Variants in UTRN observed in about 807,000 individuals in gnomAD.
The protein encoded by UTRN is utrophin.
A neutral mutation model predicts 463.9 loss-of-function variants in UTRN; 283 were observed. That is an observed-to-expected ratio of 0.61 (90% CI 0.55 to 0.67). UTRN has a LOEUF of 0.67. Ranked by LOEUF, UTRN falls within the 30% of genes least tolerant of loss-of-function variation. The pLI is 0.00. For synonymous variants in UTRN, 1,442 were observed against 1,431.5 expected (o/e 1.01, Z -0.17); for missense variants, 3,922 against 4,084.3 (o/e 0.96, Z 1.08).
At chr6:144,314,935 TA>T (rs982301190) in intron 2 of UTRN, among the ~76,000 whole-genome samples, 4 of 151,198 alleles carry the variant, frequency 2.6e-5, no homozygotes, top group African/African-American at 9.9e-5. Context: ...TGTATATATA[TA>T]CCTCTCTCTA....
chr6:144,762,793 A>G (rs988577795), intron 58 of UTRN, among the ~76,000 whole-genome samples: 1 of 152,242 alleles, frequency 6.6e-6, no homozygotes, highest in African/African-American at 2.4e-5. Flanking sequence ...AAGCTGGCTT[A>G]TAAGTCCTAA....
intron 65 of UTRN, among the ~76,000 whole-genome samples, chr6:144,819,140 G>A (rs945169923): frequency 6.6e-6 from 1 of 152,170 alleles, no homozygotes; most frequent in African/African-American, 2.4e-5. Flanking sequence ...AAAGCCTGGT[G>A]ATAGCATGGG....
chr6:144,823,904 T>A (rs1191141681), intron 66 of UTRN, among the ~76,000 whole-genome samples: 1 of 152,212 alleles, frequency 6.6e-6, no homozygotes, highest in African/African-American at 2.4e-5. Context: ...AAGATTTTTT[T>A]AAGAGCCTTT....
intron 50 of UTRN, among the ~76,000 whole-genome samples, chr6:144,558,700 T>A (rs1214834838): frequency 6.6e-6 from 1 of 151,652 alleles, no homozygotes. Flanking sequence ...TTTATGGCCA[T>A]CTCCAAGACA....
At chr6:144,733,780 C>T (rs576743727) in intron 54 of UTRN, among the ~76,000 whole-genome samples, 88 of 152,268 alleles carry the variant, frequency 5.8e-4, no homozygotes, top group African/African-American at 1.9e-3. Flanking sequence ...ATTCACTTAA[C>T]AGATGAGAAA....
At chr6:144,317,985 G>A (rs1418411591) in intron 2 of UTRN, among the ~76,000 whole-genome samples, 2 of 151,970 alleles carry the variant, frequency 1.3e-5, no homozygotes, top group East Asian at 3.9e-4. Context: ...CAAACCTCAC[G>A]ACTGTATGTT....
rs185302103 is a variant in UTRN at position 144,556,534 on chromosome 6, T to C, written c.7135-623T>C. 2.0e-5 allele frequency among the ~76,000 whole-genome samples: 3 copies of C among 152,350 alleles called. No homozygotes were observed. The East Asian group carries it at 5.8e-4, about 29-fold the overall frequency. On this transcript the variant is annotated intron_variant, in intron 49 of 74. Transcript: ENST00000367545. ...CCCAATTGCTACAAAAAGCATTATA[T>C]TAAAGGTTTCAGTTGTCATTTAGAT...
intron 53 of UTRN, among the ~76,000 whole-genome samples, chr6:144,714,084 C>T (rs1050793509): frequency 1.1e-4 from 17 of 152,112 alleles, no homozygotes; most frequent in Non-Finnish European, 2.4e-4. Flanking sequence ...ATTAACTGCT[C>T]ATTGAGGGAT....
chr6:144,428,437 T>TA lies in UTRN; in HGVS notation c.579-340dup, dbSNP rs11483779. Among the ~76,000 whole-genome samples, 289 of 151,022 alleles carry TA rather than the reference T, an allele frequency of 1.9e-3. 1 individual carries two copies. Among genetic ancestry groups the TA allele is most frequent in the Admixed American group, 8.2e-3 (125 of 15,194 alleles). On this transcript the variant is annotated intron_variant, in intron 7 of 74. Transcript: ENST00000367545. The stretch of plus-strand genomic sequence containing the variant: ...TTTTTTCTGTGGTTTTTTTTTTTTT[T>TA]ACTTTCTTATCTCTTTTTGTATCGG...
intron 53 of UTRN, among the ~76,000 whole-genome samples, chr6:144,724,260 G>A (rs1320991084): frequency 6.1e-5 from 7 of 113,830 alleles, no homozygotes; most frequent in African/African-American, 2.1e-4. Context: ...ATGGAGTCTC[G>A]CTCTGTCACC....
chr6:144,779,228 G>C (rs1775603325), intron 60 of UTRN, among the ~76,000 whole-genome samples: 1 of 152,088 alleles, frequency 6.6e-6, no homozygotes, highest in Admixed American at 6.5e-5. Flanking sequence ...ACAGCCTTTT[G>C]GCCATATTTG....
intron 54 of UTRN, among the ~76,000 whole-genome samples, chr6:144,736,497 A>T (rs1183225982): frequency 6.6e-6 from 1 of 151,988 alleles, no homozygotes. Flanking sequence ...ATTATCTTAT[A>T]CTGTTGTATG....
chr6:144,815,057 T>C lies in UTRN; in HGVS notation c.9358-5825T>C, dbSNP rs564389113. Among the ~76,000 whole-genome samples, 8 of 152,344 alleles carry C rather than the reference T, an allele frequency of 5.3e-5. No individual in the cohort carries two copies. In the East Asian group the frequency reaches 9.6e-4, roughly 18 times the overall value. On this transcript the variant is annotated intron_variant, in intron 65 of 74. Coordinates refer to ENST00000367545, the MANE Select transcript of UTRN (RefSeq NM_007124.3). ...GTAATAGTAGCTAATAAGGAAGCTG[T>C]TGAAGACTGTTAGAGTCACATTAAA...
At chr6:144,769,793 C>T (rs575490549) in intron 58 of UTRN, among the ~76,000 whole-genome samples, 1 of 152,266 alleles carries the variant, frequency 6.6e-6, no homozygotes, top group South Asian at 2.1e-4. Context: ...AAAGAGAAGA[C>T]AAGAGATCAA....
intron 51 of UTRN, among the ~76,000 whole-genome samples, chr6:144,643,786 C>T (rs1176297240): frequency 6.9e-5 from 9 of 130,474 alleles, no homozygotes; most frequent in Admixed American, 4.7e-4. Flanking sequence ...AAGAGTGAAA[C>T]ACCATCTCAA....
At chr6:144,652,556 CCAGA>C (rs1490408875) in intron 51 of UTRN, among the ~76,000 whole-genome samples, 1 of 152,092 alleles carries the variant, frequency 6.6e-6, no homozygotes, top group Non-Finnish European at 1.5e-5. Context: ...ACAAATCAGG[CCAGA>C]CATTCATTTT....
intron 51 of UTRN, among the ~76,000 whole-genome samples, chr6:144,629,015 AATTG>A (rs1279666455): frequency 6.6e-6 from 1 of 152,142 alleles, no homozygotes; most frequent in Non-Finnish European, 1.5e-5. Flanking sequence ...GTGTATGGAA[AATTG>A]ATTATTACAT....
chr6:144,778,234 C>A (rs915850370), intron 60 of UTRN, among the ~76,000 whole-genome samples: 4 of 152,104 alleles, frequency 2.6e-5, no homozygotes, highest in African/African-American at 9.7e-5. Context: ...ATTTTTAAGG[C>A]TGCCTGAGGA....
Position 144,286,764 on chromosome 6 carries a change from TG to T in UTRN, c.-93+944del, listed in dbSNP as rs974813944. On this transcript the variant is annotated intron_variant, in intron 1 of 74. Transcript: ENST00000367545. This position sits in a 1 kb window ranked among gnomAD's most constrained non-coding sequence, Gnocchi z 4.4. ...TTTTCGAGGAGGAGGGAGAAAACGTTGCCCGACCTCCGAGAGAGCTGTGGGA... is the reference window on the plus strand; with the variant it reads ...TTTTCGAGGAGGAGGGAGAAAACGTTCCCGACCTCCGAGAGAGCTGTGGGA... 2.0e-5 allele frequency among the ~76,000 whole-genome samples: 3 copies of T among 150,950 alleles called. No homozygotes were observed. Among genetic ancestry groups the T allele is most frequent in the African/African-American group, 7.3e-5 (3 of 40,934 alleles).
Sources: allele counts gnomAD v4.1 joint callset (sites outside exome capture counted in the v4.1 genomes callset), GRCh38; gene constraint gnomAD v4.1.1; non-coding constraint Gnocchi (gnomAD v3.1); transcripts MANE v1.5; gene names NCBI Gene and HGNC (gene_info 2026-07-23, HGNC 2026-07-21).